Variants in CEP89 observed in about 807,000 individuals in gnomAD.
CEP89 encodes centrosomal protein 89.
In CEP89, 95 loss-of-function variants were observed where a neutral mutation model predicts 97.6. That is an observed-to-expected ratio of 0.97 (90% CI 0.82 to 1.15). The LOEUF (loss-of-function observed/expected upper bound fraction) is 1.15. Ranked by LOEUF, CEP89 falls within the 50% of genes most tolerant of loss-of-function variation. The pLI, the probability that CEP89 is intolerant of heterozygous loss-of-function variation, is 0.00. For synonymous variants in CEP89, 354 were observed against 349.1 expected, an observed-to-expected ratio of 1.01 and a Z score of -0.16; for missense variants, 869 against 947.7, an observed-to-expected ratio of 0.92 and a Z score of 1.09.
intron 18 of CEP89, among the ~76,000 whole-genome samples, chr19:32,879,879 T>G (rs1599702477): frequency 6.6e-6 from 1 of 152,314 alleles, no homozygotes; most frequent in East Asian, 1.9e-4. Flanking sequence ...CCACAGGTCT[T>G]CCGCTCCATA....
intron 14 of CEP89, among the ~76,000 whole-genome samples, chr19:32,905,935 G>A (rs554005446): frequency 6.6e-6 from 1 of 152,248 alleles, no homozygotes; most frequent in African/African-American, 2.4e-5. Context: ...ACCCAGGCTG[G>A]TCTTGAACCT....
chr19:32,890,675 C>A (rs1969495639), intron 16 of CEP89, among the ~76,000 whole-genome samples: 1 of 151,994 alleles, frequency 6.6e-6, no homozygotes, highest in Admixed American at 6.6e-5. Context: ...GGTGAGAGAT[C>A]CCCAGGGGTC....
At chr19:32,954,152 C>T (rs565992315) in intron 3 of CEP89, among the ~76,000 whole-genome samples, 1 of 152,024 alleles carries the variant, frequency 6.6e-6, no homozygotes, top group South Asian at 2.1e-4. Flanking sequence ...GGATTACAGG[C>T]GTGAGCCACT....
intron 16 of CEP89, among the ~76,000 whole-genome samples, chr19:32,888,241 A>G (rs1161776115): frequency 1.3e-5 from 2 of 152,254 alleles, no homozygotes; most frequent in African/African-American, 4.8e-5. Context: ...GGATAACATA[A>G]TATGAATGCA....
At chr19:32,952,361 G>A (rs966405244) in intron 4 of CEP89, among the ~76,000 whole-genome samples, 1 of 149,814 alleles carries the variant, frequency 6.7e-6, no homozygotes, top group Admixed American at 6.7e-5. Flanking sequence ...CGTGCCTAAA[G>A]CCCCAGCTAC....
At chr19:32,917,544 CT>C (rs1420237530) in intron 13 of CEP89, among the ~76,000 whole-genome samples, 1 of 152,202 alleles carries the variant, frequency 6.6e-6, no homozygotes, top group East Asian at 1.9e-4. Context: ...TGTGTTTCAG[CT>C]TCCCAGCCTA....
chr19:32,953,689 A>C lies in CEP89; in HGVS notation c.418T>G (p.Leu140Val). ...TCCTCCCGGGCACTGACATCCCCCAATTCCTTGCCGCTGGATGACAGCTGA... is the reference window on the plus strand; with the variant it reads ...TCCTCCCGGGCACTGACATCCCCCACTTCCTTGCCGCTGGATGACAGCTGA... ...ETQLSSSGKE[L>V]GDVSAREDRG... Residue 140 changes from leucine (L) to valine (V), a missense_variant, in exon 4 of 19, where the codon TTG becomes GTG. By Grantham distance (32) the Leu-to-Val change is conservative. Transcript: ENST00000305768. 1.9e-6 allele frequency: 3 copies of C among 1,614,070 alleles called. No individual in the cohort carries two copies. Among genetic ancestry groups the C allele is most frequent in the Middle Eastern group, 1.6e-4 (1 of 6,062 alleles).
Position 32,948,303 on chromosome 19 carries a change from T to C in CEP89, c.558A>G (p.Pro186=). Residue 186 remains proline, a synonymous_variant, in exon 5 of 19, where the codon CCA becomes CCG. Coordinates refer to ENST00000305768, the MANE Select transcript of CEP89 (RefSeq NM_032816.5). ...TCCGCTGTGGTGCAGGAGGGGAGCCTGGAAACCCATCTTGATGAGAAATAT... is the reference window on the plus strand; with the variant it reads ...TCCGCTGTGGTGCAGGAGGGGAGCCCGGAAACCCATCTTGATGAGAAATAT... ...DENISHQDGF[P]GSPPAPQRTQ... 6.2e-7 allele frequency: 1 copy of C among 1,611,450 alleles called. No individual in the cohort carries two copies. The highest frequency in any genetic ancestry group is 1.7e-5 in the Admixed American group (1 of 59,932).
chr19:32,931,564 T>G lies in CEP89; in HGVS notation c.894A>C (p.Ala298=). 6.3e-7 allele frequency: 1 copy of G among 1,579,814 alleles called. No individual in the cohort carries two copies. The highest frequency in any genetic ancestry group is 1.4e-5 in the African/African-American group (1 of 72,778). Reference sequence around the variant, plus strand: ...GTTTTCGCAGATAAAGTAATTCAGGTGCAGCAACTAGGGAAAAAAATTTAA... The same window carrying G: ...GTTTTCGCAGATAAAGTAATTCAGGGGCAGCAACTAGGGAAAAAAATTTAA... ...AEKASSQEVA[A]PELLYLRKQA... is the part of the protein sequence containing the mutation. Residue 298 remains alanine, a synonymous_variant, in exon 9 of 19, where the codon GCA becomes GCC. Transcript: ENST00000305768.
At chr19:32,882,382 G>C (rs1406364451) in intron 17 of CEP89, among the ~76,000 whole-genome samples, 1 of 152,018 alleles carries the variant, frequency 6.6e-6, no homozygotes, top group Non-Finnish European at 1.5e-5. Context: ...GGCCAACATG[G>C]TGAAACCCTG....
At chr19:32,886,344 T>C (rs1157390708) in intron 17 of CEP89, among the ~76,000 whole-genome samples, 1 of 152,032 alleles carries the variant, frequency 6.6e-6, no homozygotes, top group Admixed American at 6.6e-5. Flanking sequence ...TGGGCCAGAG[T>C]GTCCTTCCAG....
At chr19:32,906,716 GAT>G (rs1001077451) in intron 14 of CEP89, among the ~76,000 whole-genome samples, 1 of 148,870 alleles carries the variant, frequency 6.7e-6, no homozygotes. Flanking sequence ...CTCATATATA[GAT>G]ATATATATAA....
At chr19:32,922,403 C>T (rs1281220819) in intron 12 of CEP89, among the ~76,000 whole-genome samples, 2 of 152,028 alleles carry the variant, frequency 1.3e-5, no homozygotes, top group African/African-American at 2.4e-5. Flanking sequence ...AATGGCTGGG[C>T]ATGGTAGCAC....
intron 14 of CEP89, among the ~76,000 whole-genome samples, chr19:32,912,765 G>A (rs182466106): frequency 1.8e-3 from 281 of 151,990 alleles, no homozygotes; most frequent in African/African-American, 6.0e-3. Flanking sequence ...AAATATGGCC[G>A]GGCGCGGTGG....
Position 32,899,863 on chromosome 19 carries a change from C to T in CEP89, c.1869G>A (p.Met623Ile). 1 of 1,613,668 alleles carries T rather than the reference C, an allele frequency of 6.2e-7. No individual in the cohort carries two copies. Among genetic ancestry groups the T allele is most frequent in the Non-Finnish European group, 8.5e-7 (1 of 1,179,704 alleles). ...TAACCTTCAGGAAACTTACCAAACA[C>T]ATAAGACTGTCACGTTCCTGGGTTA... is the stretch of plus-strand genomic sequence containing the variant. Reference protein sequence around the residue: ...ENITQERDSLMCLAKCLESEK... With the variant: ...ENITQERDSLICLAKCLESEK... Residue 623 changes from methionine (M) to isoleucine (I), a missense_variant, in exon 16 of 19, where the codon ATG (methionine) becomes ATA (isoleucine). Transcript: ENST00000305768.
chr19:32,939,717 A>G, intron 6 of CEP89, 140 bp downstream of exon 6: 1 of 512,856 alleles, frequency 1.9e-6, no homozygotes, highest in East Asian at 3.6e-5. Context: ...TTCAACAGGA[A>G]AGAACTCTTA....
intron 12 of CEP89, among the ~76,000 whole-genome samples, chr19:32,919,986 C>A (rs916276893): frequency 8.6e-5 from 13 of 152,036 alleles, no homozygotes; most frequent in Admixed American, 2.6e-4. Context: ...TTTATTTGTT[C>A]ATTCATTCAT....
intron 2 of CEP89, among the ~76,000 whole-genome samples, chr19:32,960,766 C>T (rs1354470903): frequency 1.3e-5 from 2 of 151,584 alleles, no homozygotes; most frequent in African/African-American, 2.4e-5. Context: ...GCCTACATTG[C>T]ACTACTGCAC....
At chr19:32,915,652 G>T in intron 13 of CEP89, 135 bp from the exon 14 acceptor site, 3 of 775,916 alleles carry the variant, frequency 3.9e-6, no homozygotes, top group African/African-American at 1.8e-5. Context: ...CAGACGTGGT[G>T]GCTCACACCT....
Sources: allele counts gnomAD v4.1 joint callset (sites outside exome capture counted in the v4.1 genomes callset), GRCh38; gene constraint gnomAD v4.1.1; transcripts MANE v1.5; gene names NCBI Gene and HGNC (gene_info 2026-07-23, HGNC 2026-07-21).